The following TMEM38B variants were observed in gnomAD, a reference collection of about 807,000 sequenced individuals.
TMEM38B encodes trimeric intracellular cation channel type B.
Under a neutral mutation model 28.7 loss-of-function variants are expected in TMEM38B, and 24 were observed. The observed-to-expected ratio is 0.84, with a 90% CI of 0.61 to 1.18. TMEM38B has a LOEUF of 1.18. Ranked by LOEUF, TMEM38B falls within the 50% of genes most tolerant of loss-of-function variation. The pLI, the probability that TMEM38B is intolerant of heterozygous loss-of-function variation, is 0.00. For missense variants in TMEM38B, 380 were observed against 350.9 expected (o/e 1.08, Z -0.66); for synonymous variants, 131 against 127.7 (o/e 1.03, Z -0.17).
At chr9:105,727,486 G>C (rs1836557088) in intron 4 of TMEM38B, among the ~76,000 whole-genome samples, 1 of 152,146 alleles carries the variant, frequency 6.6e-6, no homozygotes, top group Non-Finnish European at 1.5e-5. Flanking sequence ...GTGGATTTCA[G>C]ATATTTTTGG....
chr9:105,765,223 G>T (rs926335737), intron 5 of TMEM38B, among the ~76,000 whole-genome samples: 2 of 152,102 alleles, frequency 1.3e-5, no homozygotes, highest in African/African-American at 4.8e-5. Context: ...ATTATTTGGG[G>T]TTTAGTTACA....
chr9:105,727,705 T>C (rs924478766), intron 4 of TMEM38B, among the ~76,000 whole-genome samples: 4 of 152,162 alleles, frequency 2.6e-5, no homozygotes, highest in Non-Finnish European at 4.4e-5. Flanking sequence ...TCTGTTGATA[T>C]GGTTTGGGTG....
At chr9:105,721,932 T>C (rs924640586) in intron 3 of TMEM38B, among the ~76,000 whole-genome samples, 4 of 152,178 alleles carry the variant, frequency 2.6e-5, no homozygotes, top group Admixed American at 1.3e-4. Context: ...TGTCTTATGA[T>C]AGAAAATTTT....
intron 4 of TMEM38B, among the ~76,000 whole-genome samples, chr9:105,745,404 C>T (rs769546350): frequency 3.9e-5 from 6 of 152,182 alleles, no homozygotes; most frequent in Non-Finnish European, 8.8e-5. Flanking sequence ...AGTGTCAGTT[C>T]GTATCCTTCG....
At chr9:105,697,564 A>G (rs889483858) in intron 1 of TMEM38B, among the ~76,000 whole-genome samples, 3 of 152,090 alleles carry the variant, frequency 2.0e-5, no homozygotes, top group African/African-American at 7.2e-5. Flanking sequence ...TATTTCATGT[A>G]AATTGCTTAA....
rs1054933033 is a variant in TMEM38B at position 105,722,683 on chromosome 9, T to G, written c.542+62T>G. The G allele has an allele frequency of 5.0e-5, 70 of 1,386,308 alleles. No homozygotes were observed. In the Middle Eastern group the frequency reaches 9.1e-4, roughly 18 times the overall value. The allele number at this position is 1,386,308 out of a possible 1,614,324, so 85.9% of individuals were successfully genotyped here. A position where few individuals can be genotyped will look rare whatever the true frequency, so the allele number is the denominator to read the frequency against. ...TATCCTTAGATCTTACCAAATTCCT[T>G]TTTAAGAACATTTTAGGGACTTTAA... On this transcript the variant is annotated intron_variant, in intron 4 of 5. Coordinates refer to ENST00000374692, the MANE Select transcript of TMEM38B (RefSeq NM_018112.3).
intron 5 of TMEM38B, among the ~76,000 whole-genome samples, chr9:105,750,486 C>T (rs866142020): frequency 2.6e-5 from 4 of 152,080 alleles, no homozygotes; most frequent in South Asian, 2.1e-4. Flanking sequence ...TAGTTGTGCG[C>T]GCCTGTAATC....
At chr9:105,767,768 T>TAA (rs779712557) in intron 5 of TMEM38B, among the ~76,000 whole-genome samples, 23 of 152,228 alleles carry the variant, frequency 1.5e-4, no homozygotes, top group Non-Finnish European at 2.9e-4. Flanking sequence ...CTTGTAAGAA[T>TAA]AATCTTACAC....
chr9:105,712,265 T>G (rs1273228851), intron 2 of TMEM38B, among the ~76,000 whole-genome samples: 1 of 152,188 alleles, frequency 6.6e-6, no homozygotes, highest in Non-Finnish European at 1.5e-5. Context: ...ATCCTGACTT[T>G]TATGGTAATC....
chr9:105,714,023 G>A (rs1046883971), intron 2 of TMEM38B, among the ~76,000 whole-genome samples: 2 of 107,722 alleles, frequency 1.9e-5, no homozygotes, highest in Admixed American at 9.4e-5. Flanking sequence ...TCTCTGCAGG[G>A]CCTCCTCTCT....
chr9:105,703,661 C>T (rs911107957), intron 1 of TMEM38B, among the ~76,000 whole-genome samples: 4 of 152,038 alleles, frequency 2.6e-5, no homozygotes, highest in African/African-American at 9.7e-5. Flanking sequence ...TACAGTCCCA[C>T]CAACAGTGTA....
At chr9:105,703,360 C>CTA (rs1157575846) in intron 1 of TMEM38B, among the ~76,000 whole-genome samples, 1 of 152,192 alleles carries the variant, frequency 6.6e-6, no homozygotes, top group Non-Finnish European at 1.5e-5. Flanking sequence ...ATCCATGTCT[C>CTA]TACAAAGGAC....
intron 5 of TMEM38B, chr9:105,759,932 G>A: frequency 6.3e-7 from 1 of 1,591,212 alleles, no homozygotes; most frequent in Non-Finnish European, 8.6e-7. Context: ...CCAAATGTTG[G>A]ACAAAGCAGC....
At chr9:105,761,243 A>G (rs1410251791) in intron 5 of TMEM38B, among the ~76,000 whole-genome samples, 2 of 152,132 alleles carry the variant, frequency 1.3e-5, no homozygotes, top group East Asian at 1.9e-4. Context: ...ACTCTTTTGT[A>G]TATTCTTTTT....
chr9:105,733,078 A>C (rs923355278), intron 4 of TMEM38B, among the ~76,000 whole-genome samples: 8 of 151,980 alleles, frequency 5.3e-5, no homozygotes, highest in African/African-American at 1.9e-4. Flanking sequence ...TTCCAATTTG[A>C]TTGTACTGTG....
At chr9:105,708,655 A>G (rs957730294) in intron 2 of TMEM38B, among the ~76,000 whole-genome samples, 2 of 152,112 alleles carry the variant, frequency 1.3e-5, no homozygotes, top group African/African-American at 4.8e-5. Context: ...GAATGTTCCA[A>G]CGTAAGGTAT....
At chr9:105,705,901 GGT>G in intron 2 of TMEM38B, 148 bp downstream of exon 2, 27 of 746,292 alleles carry the variant, frequency 3.6e-5, no homozygotes, top group East Asian at 2.1e-4. Flanking sequence ...AATGCTAAGG[GGT>G]TTTTTTTTTT....
chr9:105,747,419 G>T (rs1837452845), intron 4 of TMEM38B, among the ~76,000 whole-genome samples: 1 of 152,036 alleles, frequency 6.6e-6, no homozygotes, highest in African/African-American at 2.4e-5. Flanking sequence ...GATCGGTGGT[G>T]ATATCCCCTT....
rs1564424035 is a variant in TMEM38B at position 105,775,308 on chromosome 9, A to G, written c.*1228A>G. The G allele has an allele frequency of 6.6e-6, 1 of 152,104 alleles. No homozygotes were observed. The highest frequency in any genetic ancestry group is 2.4e-5 in the African/African-American group (1 of 41,448). The allele number at this position is 152,104 out of a possible 1,614,324, so 9.4% of individuals were successfully genotyped here. Reference sequence around the variant, plus strand: ...ATCTGGTTCCTTCTTAGCAAAATAAAAAACAAACAAGAAAAGATACTAAAT... The same window carrying G: ...ATCTGGTTCCTTCTTAGCAAAATAAGAAACAAACAAGAAAAGATACTAAAT... On this transcript the variant is annotated 3_prime_UTR_variant, in exon 6 of 6. Coordinates refer to ENST00000374692, the MANE Select transcript of TMEM38B (RefSeq NM_018112.3).
Sources: allele counts gnomAD v4.1 joint callset (sites outside exome capture counted in the v4.1 genomes callset), GRCh38; gene constraint gnomAD v4.1.1; transcripts MANE v1.5; gene names NCBI Gene and HGNC (gene_info 2026-07-23, HGNC 2026-07-21).